Variants in SASH1 observed in about 807,000 individuals in gnomAD.
SASH1 encodes the protein SAM and SH3 domain-containing protein 1.
SASH1 carries 44 observed loss-of-function variants against 125.2 expected under a neutral mutation model. That is an observed-to-expected ratio of 0.35 (90% confidence interval 0.28 to 0.45). The LOEUF (loss-of-function observed/expected upper bound fraction) is 0.45, where lower values mean the gene tolerates loss of function less well. Among genes scored for constraint, SASH1 ranks in the 20% least tolerant of loss-of-function variants. SASH1 has a pLI of 1.00. For missense variants in SASH1, 1,426 were observed against 1,614.5 expected (o/e 0.88, Z 2.00); for synonymous variants, 639 against 649.1 (o/e 0.98, Z 0.24).
At chr6:148,536,055 TTAGGGA>T (rs1202550515) in intron 16 of SASH1, among the ~76,000 whole-genome samples, 5 of 151,448 alleles carry the variant, frequency 3.3e-5, no homozygotes, top group Non-Finnish European at 7.4e-5. Context: ...CAGGCTGCCT[TTAGGGA>T]TAGATTTGGG....
chr6:148,386,085 G>T (rs1269618616), intron 1 of SASH1, among the ~76,000 whole-genome samples: 1 of 152,086 alleles, frequency 6.6e-6, no homozygotes, highest in African/African-American at 2.4e-5. Flanking sequence ...CGGTAGTGTC[G>T]GATTTGAACT....
chr6:148,472,457 A>C (rs1035123303), intron 6 of SASH1, among the ~76,000 whole-genome samples: 1 of 152,090 alleles, frequency 6.6e-6, no homozygotes, highest in African/African-American at 2.4e-5. Context: ...AAAAAAAAAA[A>C]AACAGTCTAA....
intron 1 of SASH1, among the ~76,000 whole-genome samples, chr6:148,376,852 A>G (rs1226949225): frequency 1.3e-5 from 2 of 151,762 alleles, no homozygotes; most frequent in African/African-American, 4.8e-5. Context: ...TGGGTGACAG[A>G]ATGAGATCCT....
chr6:148,536,865 G>T (rs771404824), intron 16 of SASH1, among the ~76,000 whole-genome samples: 3 of 152,202 alleles, frequency 2.0e-5, no homozygotes, highest in Non-Finnish European at 4.4e-5. Context: ...CCTGGAAGGT[G>T]AAGAAGACCT....
the SASH1 span, among the ~76,000 whole-genome samples, chr6:148,245,744 T>G: frequency 2.0e-5 from 3 of 152,016 alleles, no homozygotes; most frequent in African/African-American, 7.2e-5. Flanking sequence ...TCCCAGCACT[T>G]TGGGAGGCCA....
rs1782857515 is a variant in SASH1, at chr6:148,551,157, T to C, written c.*2599T>C. The C allele has an allele frequency of 6.6e-6, 1 of 152,606 alleles. No individual in the cohort carries two copies. The highest frequency in any genetic ancestry group is 2.4e-5 in the African/African-American group (1 of 41,432). 9.5% of individuals were successfully genotyped at this position (152,606 alleles called of 1,614,324 possible). A position where few individuals can be genotyped will look rare whatever the true frequency, so the allele number is the denominator to read the frequency against. On this transcript the variant is annotated 3_prime_UTR_variant, in exon 20 of 20. Transcript: ENST00000367467. ...AATATCTTTAGCGTTTGGTCTTTTT[T>C]TTTTCTGTAAACATTTAATTTGGTC...
rs943627913 is a variant in SASH1 at position 148,518,626 on chromosome 6, G to A, written c.863-921G>A. Among the ~76,000 whole-genome samples the A allele has an allele frequency of 5.3e-5, 8 of 152,176 alleles. No homozygotes were observed. In the South Asian group the frequency reaches 1.7e-3, roughly 32 times the overall value. On this transcript the variant is annotated intron_variant, in intron 9 of 19. Coordinates refer to ENST00000367467, the MANE Select transcript of SASH1 (RefSeq NM_015278.5). ...TTTCCTCTTCACAATTCAGCGGGTG[G>A]AAAGCTGCAGAGCTCAAAGTTTCCC...
chr6:148,381,308 T>G (rs556336752), intron 1 of SASH1, among the ~76,000 whole-genome samples: 41 of 152,308 alleles, frequency 2.7e-4, no homozygotes, highest in Admixed American at 2.4e-3. Context: ...GCTACCAGTC[T>G]CAAGCCTGCC....
At chr6:148,443,053 G>A (rs1776611998) in intron 4 of SASH1, among the ~76,000 whole-genome samples, 1 of 151,410 alleles carries the variant, frequency 6.6e-6, no homozygotes, top group South Asian at 2.1e-4. Flanking sequence ...TGGGATTACA[G>A]GGATGAGCCA....
chr6:148,336,952 G>T (rs1297272357), intron 1 of SASH1, among the ~76,000 whole-genome samples: 1 of 152,202 alleles, frequency 6.6e-6, no homozygotes, highest in Non-Finnish European at 1.5e-5. Flanking sequence ...CATTTCGTAT[G>T]TTGACATAAT....
chr6:148,482,996 T>C (rs889900861), intron 7 of SASH1, among the ~76,000 whole-genome samples: 2 of 152,174 alleles, frequency 1.3e-5, no homozygotes, highest in Non-Finnish European at 2.9e-5. Flanking sequence ...GTTCAAACTT[T>C]TCTTAATTCA....
chr6:148,334,973 C>CAA (rs71004288), intron 1 of SASH1, among the ~76,000 whole-genome samples: 1 of 115,290 alleles, frequency 8.7e-6, no homozygotes, highest in Non-Finnish European at 1.8e-5. Context: ...GACTCCATCT[C>CAA]AAAAAAAAAA....
In SASH1 at chr6:148,474,182, T is replaced by G; in HGVS notation, c.587T>G (p.Val196Gly). The change falls in exon 7 of 20, where the codon GTC becomes GGC. Residue 196 changes from valine to glycine, a missense_variant. Val to Gly is a moderately radical substitution (Grantham distance 109). This residue lies in a region of SASH1 where 567 missense variants were observed against 575.6 expected (regional missense o/e 0.99). Coordinates refer to ENST00000367467, the MANE Select transcript of SASH1 (RefSeq NM_015278.5). ...GAGCGGATTCAGCTAATGATGATGG[T>G]CAAAGAAAAGATGATCACAATTGAG... ...DEERIQLMMM[V>G]KEKMITIEEA... 6.2e-7 allele frequency: 1 copy of G among 1,610,066 alleles called. No homozygotes were observed. Among genetic ancestry groups the G allele is most frequent in the Non-Finnish European group, 8.5e-7 (1 of 1,178,098 alleles).
rs1322800762 is a variant in SASH1, at chr6:148,527,568, A to G, written c.1400A>G (p.Lys467Arg). 6.2e-7 allele frequency: 1 copy of G among 1,611,060 alleles called. No homozygotes were observed. Among genetic ancestry groups the G allele is most frequent in the Non-Finnish European group, 8.5e-7 (1 of 1,179,238 alleles). ...VKETMRKRMS[K>R]KYSSSVSEQD... ...GAGACGATGAGAAAGAGAATGTCTA[A>G]AAAATACAGCAGCTCTGTCTCTGAG... is the stretch of plus-strand genomic sequence containing the variant. The change falls in exon 12 of 20, where the codon AAA becomes AGA. Residue 467 changes from lysine (K) to arginine (R), a missense_variant. By Grantham distance (26) the Lys-to-Arg change is conservative. This residue lies in a region of SASH1 where 225 missense variants were observed against 344.5 expected (regional missense o/e 0.65). Coordinates refer to ENST00000367467, the MANE Select transcript of SASH1 (RefSeq NM_015278.5).
At chr6:148,320,711 T>C (rs1780614122) in intron 1 of SASH1, among the ~76,000 whole-genome samples, 1 of 152,196 alleles carries the variant, frequency 6.6e-6, no homozygotes, top group Admixed American at 6.5e-5. Flanking sequence ...CTGGAACTCC[T>C]GGGCTCAAGA....
At chr6:148,396,697 A>G (rs1783967383) in intron 2 of SASH1, among the ~76,000 whole-genome samples, 2 of 152,138 alleles carry the variant, frequency 1.3e-5, no homozygotes, top group Middle Eastern at 3.4e-3. Flanking sequence ...AAGAGCCCTT[A>G]CCCGGGCTTG....
Position 148,503,313 on chromosome 6 carries a change from T to TA in SASH1, c.730-11000dup, listed in dbSNP as rs75511515. 1.7e-3 allele frequency among the ~76,000 whole-genome samples: 255 copies of TA among 149,228 alleles called. 1 individual carries two copies. Among genetic ancestry groups the TA allele is most frequent in the African/African-American group, 4.9e-3 (200 of 40,644 alleles). ...CAATTCTACAGTCGAGTCATCTTTC[T>TA]AAAAAAAAAAAGAATGTGTTAGACA... On this transcript the variant is annotated intron_variant, in intron 8 of 19. Coordinates refer to ENST00000367467, the MANE Select transcript of SASH1 (RefSeq NM_015278.5).
chr6:148,439,954 C>T (rs1033801103), intron 2 of SASH1, among the ~76,000 whole-genome samples: 1 of 151,562 alleles, frequency 6.6e-6, no homozygotes, highest in African/African-American at 2.4e-5. Flanking sequence ...ATAAAATTGT[C>T]AGCAGAGTCT....
chr6:148,508,615 C>T (rs1239997395), intron 8 of SASH1: 25 of 1,147,484 alleles, frequency 2.2e-5, no homozygotes, highest in South Asian at 3.7e-5. Context: ...AGTTAGCAAG[C>T]GACTGGGGAA....
Sources: allele counts gnomAD v4.1 joint callset (sites outside exome capture counted in the v4.1 genomes callset), GRCh38; gene constraint gnomAD v4.1.1; regional missense constraint gnomAD v4.1.1; transcripts MANE v1.5; gene names NCBI Gene and HGNC (gene_info 2026-07-23, HGNC 2026-07-21).